FANCE: variants seen among roughly 807,000 people sequenced by gnomAD.
FANCE encodes the protein FA complementation group E.
A neutral mutation model predicts 57.8 loss-of-function variants in FANCE; 42 were observed. The ratio of observed to expected loss-of-function variants is 0.73; its 90% CI spans 0.57 to 0.94. The LOEUF (loss-of-function observed/expected upper bound fraction) is 0.94. FANCE is among the 40% of genes least tolerant of loss of function. The probability of loss-of-function intolerance (pLI) is 0.00; values close to 1 mark genes in which losing one functional copy is unlikely to be tolerated. For missense variants in FANCE, 608 were observed against 661.8 expected (o/e 0.92, Z 0.89); for synonymous variants, 251 against 286.4 (o/e 0.88, Z 1.25).
At chr6:35,458,051 T>G (rs1328235487) in intron 4 of FANCE, 67 bp downstream of exon 4, 2 of 1,499,996 alleles carry the variant, frequency 1.3e-6, no homozygotes, top group East Asian at 4.5e-5. Flanking sequence ...CTATTTAAGT[T>G]TATGTTTTCC....
chr6:35,453,000 T>C (rs1324118368), intron 1 of FANCE, among the ~76,000 whole-genome samples: 2 of 152,248 alleles, frequency 1.3e-5, no homozygotes, highest in African/African-American at 4.8e-5. Flanking sequence ...CTGTAAGGTA[T>C]AGTGATGATA....
Position 35,456,198 on chromosome 6 carries a change from C to A in FANCE, c.700C>A (p.Pro234Thr), listed in dbSNP as rs887404730. Residue 234 changes from proline (P) to threonine (T), a missense_variant, in exon 2 of 10, where the codon CCC becomes ACC. By Grantham distance (38) the Pro-to-Thr change is conservative. Coordinates refer to ENST00000229769, the MANE Select transcript of FANCE (RefSeq NM_021922.3). The surrounding 1 kb of genome is among the most constrained non-coding windows in gnomAD (Gnocchi z 4.3). ...EEEEDHEKER[P>T]EHKSLESLAD... ...GGAAGAAGATCATGAGAAGGAGAGA[C>A]CCGAACATAAGTCACTGGAATCCCT... The A allele has an allele frequency of 6.2e-7, 1 of 1,614,112 alleles. No homozygotes were observed. Among genetic ancestry groups the A allele is most frequent in the South Asian group, 1.1e-5 (1 of 91,084 alleles).
rs529307690 is a variant in FANCE, at chr6:35,453,104, CAT to C, written c.248+312_248+313del. Among the ~76,000 whole-genome samples, 193 of 152,290 alleles carry C rather than the reference CAT, an allele frequency of 1.3e-3. 1 individual carries two copies. Among genetic ancestry groups the C allele is most frequent in the Middle Eastern group, 6.8e-3 (2 of 294 alleles). ...AGTATACTTATGTATAAAGTGTACA[CAT>C]GTGTTAAAATACGTACATTTTAAAG... On this transcript the variant is annotated intron_variant, in intron 1 of 9. Transcript: ENST00000229769.
At chr6:35,463,494 C>T (rs760326145) in intron 9 of FANCE, among the ~76,000 whole-genome samples, 4 of 152,086 alleles carry the variant, frequency 2.6e-5, no homozygotes, top group Non-Finnish European at 5.9e-5. Flanking sequence ...TTGACCCCGT[C>T]ACCTAACCCC....
chr6:35,464,988 C>T (rs1014499899), intron 9 of FANCE, among the ~76,000 whole-genome samples: 4 of 151,962 alleles, frequency 2.6e-5, no homozygotes, highest in Non-Finnish European at 5.9e-5. Flanking sequence ...CCCTCCTCAG[C>T]CTCCCAAAGT....
chr6:35,460,909 C>G (rs2150898877), intron 8 of FANCE, among the ~76,000 whole-genome samples: 1 of 150,516 alleles, frequency 6.6e-6, no homozygotes, highest in South Asian at 2.1e-4. Context: ...GTAATAGATT[C>G]ATATGTTCAC....
intron 1 of FANCE, 118 bp downstream of exon 1, chr6:35,452,911 C>G: frequency 9.3e-7 from 1 of 1,075,340 alleles, no homozygotes; most frequent in African/African-American, 1.6e-5. Context: ...ACCCTATGAG[C>G]AGGGGCACCC....
At position 35,456,092 on chromosome 6, in the gene FANCE, G is replaced by A. The variant is rs2150891099; in HGVS notation, c.594G>A (p.Gly198=). ...EEENRDSQQP[G]KRRKDSEEEA... is the part of the protein sequence containing the mutation. ...AGAACAGGGACTCCCAGCAGCCTGG[G>A]AAACGCAGAAAGGACTCAGAGGAAG... is the stretch of plus-strand genomic sequence containing the variant. The change falls in exon 2 of 10, where the codon GGG becomes GGA. Residue 198 remains glycine (G), a synonymous_variant. Coordinates refer to ENST00000229769, the MANE Select transcript of FANCE (RefSeq NM_021922.3). The surrounding 1 kb of genome is among the most constrained non-coding windows in gnomAD (Gnocchi z 4.3). 1 of 1,614,040 alleles carries A rather than the reference G, an allele frequency of 6.2e-7. No individual in the cohort carries two copies. The highest frequency in any genetic ancestry group is 8.5e-7 in the Non-Finnish European group (1 of 1,179,990).
intron 9 of FANCE, among the ~76,000 whole-genome samples, chr6:35,463,367 G>T (rs1322858908): frequency 6.6e-6 from 1 of 152,080 alleles, no homozygotes; most frequent in Non-Finnish European, 1.5e-5. Context: ...TCAAGCCCAG[G>T]ACTGGGGAAT....
At position 35,464,458 on chromosome 6, in the gene FANCE, C is replaced by T. The variant is rs184446879; in HGVS notation, c.1509+1544C>T. Among the ~76,000 whole-genome samples, 52 of 151,522 alleles carry T rather than the reference C, an allele frequency of 3.4e-4. No individual in the cohort carries two copies. The East Asian group carries it at 6.9e-3, about 20-fold the overall frequency. On this transcript the variant is annotated intron_variant, in intron 9 of 9. Coordinates refer to ENST00000229769, the MANE Select transcript of FANCE (RefSeq NM_021922.3). Reference sequence around the variant, plus strand: ...TTCACCCTGTTAGCCAGGATGGTCTCGATCTCCTGACCTTGTGATCTGTCC... The same window carrying T: ...TTCACCCTGTTAGCCAGGATGGTCTTGATCTCCTGACCTTGTGATCTGTCC...
rs1260913079 is a variant in FANCE at position 35,457,558 on chromosome 6, C to T, written c.858C>T (p.Asp286=). ...AGTGACTGGGCTCTCCTCCACAGGA[C>T]CAGCTTCCCAGGCTGCAGCAGCTGC... ...ESLELPKAIQ[D]QLPRLQQLLK... is the part of the protein sequence containing the mutation. Residue 286 remains aspartate (D), a splice_region_variant and synonymous_variant, in exon 3 of 10, where the codon GAC becomes GAT. Coordinates refer to ENST00000229769, the MANE Select transcript of FANCE (RefSeq NM_021922.3). 2 of 1,613,834 alleles carry T rather than the reference C, an allele frequency of 1.2e-6. No individual in the cohort carries two copies. The highest frequency in any genetic ancestry group is 1.7e-5 in the Admixed American group (1 of 60,012).
In FANCE at chr6:35,456,321, G is replaced by T; in HGVS notation, c.823G>T (p.Ala275Ser). 1 of 1,614,178 alleles carries T rather than the reference G, an allele frequency of 6.2e-7. No individual in the cohort carries two copies. Among genetic ancestry groups the T allele is most frequent in the Non-Finnish European group, 8.5e-7 (1 of 1,180,040 alleles). ...GAATCTGGATGATGCTAAAGGTCTG[G>T]CTGAGAGTTTGGAGTTGCCCAAAGC... ...GSNLDDAKGLAESLELPKAIQ... is the reference protein window; with the variant it reads ...GSNLDDAKGLSESLELPKAIQ... The change falls in exon 2 of 10, where the codon GCT (alanine) becomes TCT (serine). Residue 275 changes from alanine (A) to serine (S), a missense_variant. Physicochemically the swap from Ala to Ser is moderately conservative, Grantham distance 99 (BLOSUM62 1). Transcript: ENST00000229769. This position sits in a 1 kb window ranked among gnomAD's most constrained non-coding sequence, Gnocchi z 4.3.
chr6:35,459,769 G>A lies in FANCE; in HGVS notation c.1316+9G>A, dbSNP rs1440263661. ...CAGGTTCTAATGCTGGGGTGAGTGT[G>A]CAGGCCTCCGTGCTGTCCCCACTGC... On this transcript the variant is annotated intron_variant, in intron 7 of 9. Transcript: ENST00000229769. 2 of 1,613,226 alleles carry A rather than the reference G, an allele frequency of 1.2e-6. No individual in the cohort carries two copies. The highest frequency in any genetic ancestry group is 1.1e-5 in the South Asian group (1 of 91,060).
intron 9 of FANCE, among the ~76,000 whole-genome samples, chr6:35,464,292 G>A (rs1194817301): frequency 7.9e-6 from 1 of 127,366 alleles, no homozygotes. Context: ...AGGCTAGAGT[G>A]CAGTGGCGCA....
chr6:35,459,891 A>G (rs1244303542), intron 7 of FANCE, 131 bp downstream of exon 7: 6 of 761,100 alleles, frequency 7.9e-6, no homozygotes, highest in Non-Finnish European at 1.4e-5. Flanking sequence ...ATCTCACTCC[A>G]TCCTCTTTCT....
intron 1 of FANCE, among the ~76,000 whole-genome samples, chr6:35,454,789 G>A (rs1767259400): frequency 6.6e-6 from 1 of 152,248 alleles, no homozygotes; most frequent in Non-Finnish European, 1.5e-5. Flanking sequence ...TTTGGAATCT[G>A]TAAAGTGATT....
rs187987242 is a variant in FANCE at position 35,458,112 on chromosome 6, G to A, written c.969+128G>A. ...GGATTTTGTTGTTTTCTCTCTCAGC[G>A]ATAGGGGTCACCCTGTGTAGTATCT... is the stretch of plus-strand genomic sequence containing the variant. On this transcript the variant is annotated intron_variant, in intron 4 of 9. Transcript: ENST00000229769. 10 of 1,207,248 alleles carry A rather than the reference G, an allele frequency of 8.3e-6. No homozygotes were observed. The Middle Eastern group carries it at 7.8e-4, about 95-fold the overall frequency. 74.8% of individuals were successfully genotyped at this position (1,207,248 alleles called of 1,614,324 possible). A position where few individuals can be genotyped will look rare whatever the true frequency, so the allele number is the denominator to read the frequency against.
In FANCE at chr6:35,466,956, C is replaced by T. The variant is rs552745863; in HGVS notation, c.*611C>T. The stretch of plus-strand genomic sequence containing the variant: ...AGGGCTCAGTAGGATCAAGCCGACC[C>T]AGAGTGGGCATGGGATGCTCCAGGA... On this transcript the variant is annotated 3_prime_UTR_variant, in exon 10 of 10. Transcript: ENST00000229769. 43 of 225,634 alleles carry T rather than the reference C, an allele frequency of 1.9e-4. No homozygotes were observed. The East Asian group carries it at 2.6e-3, about 14-fold the overall frequency. The allele number at this position is 225,634 out of a possible 1,614,324, so 14.0% of individuals were successfully genotyped here. A position where few individuals can be genotyped will look rare whatever the true frequency, so the allele number is the denominator to read the frequency against.
intron 8 of FANCE, 83 bp from the exon 9 acceptor site, chr6:35,462,706 A>C: frequency 6.3e-7 from 1 of 1,586,884 alleles, no homozygotes; most frequent in Non-Finnish European, 8.6e-7. Context: ...GAAGTGGTGG[A>C]GTTGGGAATT....
Sources: allele counts gnomAD v4.1 joint callset (sites outside exome capture counted in the v4.1 genomes callset), GRCh38; gene constraint gnomAD v4.1.1; non-coding constraint Gnocchi (gnomAD v3.1); transcripts MANE v1.5; gene names NCBI Gene and HGNC (gene_info 2026-07-23, HGNC 2026-07-21).